ADGRB2: variants seen among roughly 807,000 people sequenced by gnomAD.
The protein encoded by ADGRB2 is adhesion G protein-coupled receptor B2.
ADGRB2 carries 47 observed loss-of-function variants against 178.7 expected under a neutral mutation model. The ratio of observed to expected loss-of-function variants is 0.26; its 90% CI spans 0.21 to 0.34. ADGRB2 has a LOEUF of 0.34. Among genes scored for constraint, ADGRB2 ranks in the 10% least tolerant of loss-of-function variants. ADGRB2 has a pLI of 1.00. For synonymous variants in ADGRB2, 870 were observed against 912.4 expected (o/e 0.95, Z 0.84); for missense variants, 1,584 against 2,180.8 (o/e 0.73, Z 5.45).
intron 1 of ADGRB2, chr1:31,760,611 A>C (rs1647012508): frequency 1.3e-5 from 2 of 149,506 alleles, no homozygotes; most frequent in Non-Finnish European, 1.5e-5. Flanking sequence ...GGCCGGGGGA[A>C]GGGGCGCGGC....
chr1:31,731,012 C>A lies in ADGRB2; in HGVS notation c.4168G>T (p.Ala1390Ser). Reference sequence around the variant, plus strand: ...AAGCTGGGGTAGCCTTCAGTGTGGGCCACTGTCTTGGCAGCTCGCCGGGGG... The same window carrying A: ...AAGCTGGGGTAGCCTTCAGTGTGGGACACTGTCTTGGCAGCTCGCCGGGGG... ...GTPRRAAKTV[A>S]HTEGYPSFLS... Residue 1390 changes from alanine to serine, a missense_variant, in exon 29 of 33, where the codon GCC becomes TCC. Around this residue, in one of 3 missense-constraint regions of ADGRB2, gnomAD observed 865 missense variants for 1,192.8 expected, o/e 0.73. Coordinates refer to ENST00000373658, the MANE Select transcript of ADGRB2 (RefSeq NM_001364857.2). 1 of 1,580,052 alleles carries A rather than the reference C, an allele frequency of 6.3e-7. No individual in the cohort carries two copies.
chr1:31,742,937 G>A lies in ADGRB2; in HGVS notation c.1153C>T (p.Arg385Trp), dbSNP rs1484038148. Reference protein sequence around the residue: ...LCSRSCGRGSRSRMRTCVPPQ... With the variant: ...LCSRSCGRGSWSRMRTCVPPQ... Reference sequence around the variant, plus strand: ...GGCACGCAGGTCCGCATCCGGCTCCGGGACCCCCGCCCGCAGCTGCGGGAG... The same window carrying A: ...GGCACGCAGGTCCGCATCCGGCTCCAGGACCCCCGCCCGCAGCTGCGGGAG... The change falls in exon 7 of 33, where the codon CGG (arginine) becomes TGG (tryptophan). Residue 385 changes from arginine (R) to tryptophan (W), a missense_variant. Physicochemically the swap from Arg to Trp is moderately radical, Grantham distance 101. Around this residue, in one of 3 missense-constraint regions of ADGRB2, gnomAD observed 657 missense variants for 847.6 expected, o/e 0.78. Coordinates refer to ENST00000373658, the MANE Select transcript of ADGRB2 (RefSeq NM_001364857.2). 2.6e-6 allele frequency: 4 copies of A among 1,540,274 alleles called. No homozygotes were observed. The highest frequency in any genetic ancestry group is 2.0e-5 in the Admixed American group (1 of 50,488).
chr1:31,727,991 C>T lies in ADGRB2; in HGVS notation c.4572+34G>A, dbSNP rs1242021918. 6.5e-7 allele frequency: 1 copy of T among 1,530,210 alleles called. No homozygotes were observed. The highest frequency in any genetic ancestry group is 8.8e-7 in the Non-Finnish European group (1 of 1,142,702). The allele number at this position is 1,530,210 out of a possible 1,614,324, so 94.8% of individuals were successfully genotyped here. On this transcript the variant is annotated intron_variant, in intron 32 of 32. Coordinates refer to ENST00000373658, the MANE Select transcript of ADGRB2 (RefSeq NM_001364857.2). This position sits in a 1 kb window ranked among gnomAD's most constrained non-coding sequence, Gnocchi z 4.4. Reference sequence around the variant, plus strand: ...GCAGGGAGGGCACGGGTCCCTCAGGCCCACCTCACCCCACCCAGCCCGGGG... The same window carrying T: ...GCAGGGAGGGCACGGGTCCCTCAGGTCCACCTCACCCCACCCAGCCCGGGG...
In ADGRB2 at chr1:31,734,393, C is replaced by T. The variant is rs115729601; in HGVS notation, c.3452+790G>A. 4.8e-3 allele frequency among the ~76,000 whole-genome samples: 733 copies of T among 152,304 alleles called. 8 individuals are homozygous for T. The highest frequency in any genetic ancestry group is 0.017 in the African/African-American group (702 of 41,558). ...AACACAGCTTGACCGACTCCAAAGC[C>T]CAAGCATTGAAACAGCTAGTGCAGA... is the stretch of plus-strand genomic sequence containing the variant. On this transcript the variant is annotated intron_variant, in intron 25 of 32. Coordinates refer to ENST00000373658, the MANE Select transcript of ADGRB2 (RefSeq NM_001364857.2).
chr1:31,737,596 C>T (rs190193575), intron 19 of ADGRB2, 56 bp downstream of exon 19: 41 of 1,610,840 alleles, frequency 2.5e-5, no homozygotes, highest in Admixed American at 5.0e-5. Context: ...TGTGGCTGGC[C>T]ACCTTCTGCG....
intron 7 of ADGRB2, among the ~76,000 whole-genome samples, chr1:31,742,559 G>A (rs1308409714): frequency 1.3e-5 from 2 of 152,220 alleles, no homozygotes; most frequent in African/African-American, 2.4e-5. Flanking sequence ...AGTCCAGCTG[G>A]CCATGCACCA....
At position 31,757,175 on chromosome 1, in the gene ADGRB2, G is replaced by C. The variant is rs752494516; in HGVS notation, c.21+26C>G. On this transcript the variant is annotated intron_variant, in intron 3 of 32. Coordinates refer to ENST00000373658, the MANE Select transcript of ADGRB2 (RefSeq NM_001364857.2). ...CATCAACTACAAGCATATTCGCCTT[G>C]CATTCAGATCCAGCCCCAGCCTCAC... The C allele has an allele frequency of 1.1e-5, 17 of 1,614,002 alleles. No homozygotes were observed. The East Asian group carries it at 3.3e-4, about 32-fold the overall frequency.
At chr1:31,751,112 G>A (rs548694929) in intron 4 of ADGRB2, among the ~76,000 whole-genome samples, 29 of 152,260 alleles carry the variant, frequency 1.9e-4, no homozygotes, top group African/African-American at 5.8e-4. Flanking sequence ...CCCTGGCCCC[G>A]TCTCCCTCCA....
chr1:31,741,807 C>T lies in ADGRB2; in HGVS notation c.1578G>A (p.Arg526=), dbSNP rs139364994. The T allele has an allele frequency of 8.8e-6, 14 of 1,592,732 alleles. No homozygotes were observed. Among genetic ancestry groups the T allele is most frequent in the Non-Finnish European group, 9.4e-6 (11 of 1,165,686 alleles). The change falls in exon 9 of 33, where the codon AGG becomes AGA. Residue 526 remains arginine (R), a synonymous_variant. Coordinates refer to ENST00000373658, the MANE Select transcript of ADGRB2 (RefSeq NM_001364857.2). The surrounding 1 kb of genome is among the most constrained non-coding windows in gnomAD (Gnocchi z 6.5). ...GGGTCATTAGGGCAGTACCTGGACA[C>T]CTCTTCTCACTACAAGGCTTCACCT... ...GEEVKPCSEK[R]CPAFHEMCRD...
chr1:31,756,508 A>C lies in ADGRB2; in HGVS notation c.329T>G (p.Leu110Arg), dbSNP rs764715974. 1.2e-6 allele frequency: 2 copies of C among 1,612,888 alleles called. No individual in the cohort carries two copies. The highest frequency in any genetic ancestry group is 1.3e-5 in the African/African-American group (1 of 74,910). Residue 110 changes from leucine to arginine, a missense_variant, in exon 4 of 33, where the codon CTG (leucine) becomes CGG (arginine). Leu to Arg is a moderately radical substitution (Grantham distance 102). Coordinates refer to ENST00000373658, the MANE Select transcript of ADGRB2 (RefSeq NM_001364857.2). This position sits in a 1 kb window ranked among gnomAD's most constrained non-coding sequence, Gnocchi z 8.5. ...CACCGCCTCCTCGGGGCTAGGCCGC[A>C]GGCAGGTAAAGTTGACCAGGTAGTG... is the stretch of plus-strand genomic sequence containing the variant. ...LDHYLVNFTC[L>R]RPSPEEAVAQ...
At position 31,746,824 on chromosome 1, in the gene ADGRB2, T is replaced by A. The variant is rs1446310082; in HGVS notation, c.839-2093A>T. On this transcript the variant is annotated intron_variant, in intron 4 of 32. Transcript: ENST00000373658. ...GGGCTCCACCCATTATCCCTTCTCA[T>A]CGGCACCCTGTCAGCATTCTCCCCT... 2.6e-5 allele frequency among the ~76,000 whole-genome samples: 4 copies of A among 152,102 alleles called. No individual in the cohort carries two copies. In the East Asian group the frequency reaches 7.7e-4, roughly 29 times the overall value.
In ADGRB2 at chr1:31,739,917, T is replaced by C; in HGVS notation, c.2167+9A>G. The C allele has an allele frequency of 6.2e-7, 1 of 1,612,516 alleles. No homozygotes were observed. The highest frequency in any genetic ancestry group is 8.5e-7 in the Non-Finnish European group (1 of 1,178,592). On this transcript the variant is annotated intron_variant, in intron 14 of 32. Coordinates refer to ENST00000373658, the MANE Select transcript of ADGRB2 (RefSeq NM_001364857.2). ...TTCAGGACCCCCACCCTTGCCTGACTCCTTCTACCTAGATTATCTGTGACA... is the reference window on the plus strand; with the variant it reads ...TTCAGGACCCCCACCCTTGCCTGACCCCTTCTACCTAGATTATCTGTGACA...
Position 31,742,054 on chromosome 1 carries a change from C to T in ADGRB2, c.1416G>A (p.Pro472=), listed in dbSNP as rs748755814. The change falls in exon 8 of 33, where the codon CCG becomes CCA. Residue 472 remains proline (P), a splice_region_variant and synonymous_variant. Coordinates refer to ENST00000373658, the MANE Select transcript of ADGRB2 (RefSeq NM_001364857.2). ...GCCACCACTGTGCCAAGCACTCACC[C>T]GGGCACTCGAGGTTGCTGCACTCCC... is the stretch of plus-strand genomic sequence containing the variant. ...DTRECSNLEC[P]ATDSKWGPWN... 16 of 1,606,288 alleles carry T rather than the reference C, an allele frequency of 1.0e-5. No homozygotes were observed. The highest frequency in any genetic ancestry group is 2.7e-5 in the African/African-American group (2 of 74,958).
At position 31,733,349 on chromosome 1, in the gene ADGRB2, G is replaced by A. The variant is rs1325332538; in HGVS notation, c.3453-206C>T. Among the ~76,000 whole-genome samples, 1 of 152,182 alleles carries A rather than the reference G, an allele frequency of 6.6e-6. No homozygotes were observed. Among genetic ancestry groups the A allele is most frequent in the East Asian group, 1.9e-4 (1 of 5,196 alleles). On this transcript the variant is annotated intron_variant, in intron 25 of 32. Transcript: ENST00000373658. The surrounding 1 kb of genome is among the most constrained non-coding windows in gnomAD (Gnocchi z 4.3). ...ACAGAGACCGAAAGCAGCGAACTAC[G>A]GGGTCAGAGCAGGGACCAGGAAGGT... is the stretch of plus-strand genomic sequence containing the variant.
chr1:31,728,187 C>T lies in ADGRB2; in HGVS notation c.4510G>A (p.Ala1504Thr). Residue 1504 changes from alanine to threonine, a missense_variant, in exon 31 of 33, where the codon GCC becomes ACC. Physicochemically the swap from Ala to Thr is moderately conservative, Grantham distance 58. Around this residue, in one of 3 missense-constraint regions of ADGRB2, gnomAD observed 865 missense variants for 1,192.8 expected, o/e 0.73. Coordinates refer to ENST00000373658, the MANE Select transcript of ADGRB2 (RefSeq NM_001364857.2). The surrounding 1 kb of genome is among the most constrained non-coding windows in gnomAD (Gnocchi z 6.7). The part of the protein sequence containing the change: ...TFDRYRSQST[A>T]KREKRWSVSS... ...GCCACGGGAGGAGCCCTCACCTTGG[C>T]CGTGGACTGGCTGCGGTAGCGGTCG... The T allele has an allele frequency of 6.2e-7, 1 of 1,614,162 alleles. No homozygotes were observed. Among genetic ancestry groups the T allele is most frequent in the Non-Finnish European group, 8.5e-7 (1 of 1,180,020 alleles).
rs1206480836 is a variant in ADGRB2, at chr1:31,741,843, G to A, written c.1542C>T (p.Gly514=). The part of the protein sequence containing the change: ...ATGTQGYPCE[G]TGEEVKPCSE... ...TACAAGGCTTCACCTCCTCTCCGGT[G>A]CCCTCGCAGGGGTAGCCCTGCGTGC... The change falls in exon 9 of 33, where the codon GGC becomes GGT. Residue 514 remains glycine, a synonymous_variant. Transcript: ENST00000373658. This position sits in a 1 kb window ranked among gnomAD's most constrained non-coding sequence, Gnocchi z 6.5. 1 of 1,604,908 alleles carries A rather than the reference G, an allele frequency of 6.2e-7. No homozygotes were observed. The highest frequency in any genetic ancestry group is 1.3e-5 in the African/African-American group (1 of 74,836).
In ADGRB2 at chr1:31,753,396, G is replaced by A. The variant is rs572884328; in HGVS notation, c.838+2603C>T. Among the ~76,000 whole-genome samples, 25 of 152,282 alleles carry A rather than the reference G, an allele frequency of 1.6e-4. No individual in the cohort carries two copies. In the South Asian group the frequency reaches 5.0e-3, roughly 30 times the overall value. ...TGTCAAACTCACTCGGCTCTGAGGC[G>A]TCCCAGGCACTCCGCCAGTCACTGC... On this transcript the variant is annotated intron_variant, in intron 4 of 32. Transcript: ENST00000373658. This position sits in a 1 kb window ranked among gnomAD's most constrained non-coding sequence, Gnocchi z 4.1.
rs190831423 is a variant in ADGRB2 at position 31,753,695 on chromosome 1, C to T, written c.838+2304G>A. Among the ~76,000 whole-genome samples the T allele has an allele frequency of 4.6e-5, 7 of 152,350 alleles. No homozygotes were observed. The highest frequency in any genetic ancestry group is 2.1e-4 in the South Asian group (1 of 4,828). ...GGAGGAATGGAGGGGGCCAAAGGCT[C>T]GGCAAAGGTGGTGCTGCCACAAGGC... On this transcript the variant is annotated intron_variant, in intron 4 of 32. Transcript: ENST00000373658. This position sits in a 1 kb window ranked among gnomAD's most constrained non-coding sequence, Gnocchi z 4.1.
At position 31,730,877 on chromosome 1, in the gene ADGRB2, C is replaced by A; in HGVS notation, c.4303G>T (p.Val1435Leu). The A allele has an allele frequency of 6.4e-7, 1 of 1,566,340 alleles. No individual in the cohort carries two copies. The highest frequency in any genetic ancestry group is 8.6e-7 in the Non-Finnish European group (1 of 1,156,884). Residue 1435 changes from valine to leucine, a missense_variant, in exon 29 of 33, where the codon GTG (valine) becomes TTG (leucine). Physicochemically the swap from Val to Leu is conservative, Grantham distance 32. Transcript: ENST00000373658. ...PPPPTPSARQVPEPGERSRTM... is the reference protein window; with the variant it reads ...PPPPTPSARQLPEPGERSRTM... Reference sequence around the variant, plus strand: ...CGGCTGCGCTCCCCTGGCTCGGGCACTTGGCGGGCGCTGGGTGTCGGCGGT... The same window carrying A: ...CGGCTGCGCTCCCCTGGCTCGGGCAATTGGCGGGCGCTGGGTGTCGGCGGT...
Sources: allele counts gnomAD v4.1 joint callset (sites outside exome capture counted in the v4.1 genomes callset), GRCh38; gene constraint gnomAD v4.1.1; regional missense constraint gnomAD v4.1.1; non-coding constraint Gnocchi (gnomAD v3.1); transcripts MANE v1.5; gene names NCBI Gene and HGNC (gene_info 2026-07-23, HGNC 2026-07-21).